Variants in CYTH1 observed in about 807,000 individuals in gnomAD.
The protein encoded by CYTH1 is cytohesin 1.
CYTH1 carries 18 observed loss-of-function variants against 61.8 expected under a neutral mutation model. That is an observed-to-expected ratio of 0.29 (90% CI 0.20 to 0.43). The LOEUF (loss-of-function observed/expected upper bound fraction) is 0.43. Among genes scored for constraint, CYTH1 ranks in the 20% least tolerant of loss-of-function variants. The pLI is 1.00. For missense variants in CYTH1, 336 were observed against 510.5 expected, an observed-to-expected ratio of 0.66 and a Z score of 3.29; for synonymous variants, 174 against 184.3, an observed-to-expected ratio of 0.94 and a Z score of 0.45.
At chr17:78,730,639 C>T (rs1323920180) in intron 1 of CYTH1, among the ~76,000 whole-genome samples, 3 of 151,732 alleles carry the variant, frequency 2.0e-5, no homozygotes, top group Non-Finnish European at 4.4e-5. Flanking sequence ...GAAGGAAGAA[C>T]ATGATACAAG....
intron 11 of CYTH1, among the ~76,000 whole-genome samples, chr17:78,683,241 C>T (rs1227932372): frequency 6.6e-6 from 1 of 152,084 alleles, no homozygotes; most frequent in East Asian, 1.9e-4. Context: ...TGGTGGTGGA[C>T]CCTTCTTCTT....
intron 11 of CYTH1, chr17:78,691,744 C>T (rs1209605124): frequency 6.6e-6 from 1 of 152,226 alleles, no homozygotes; most frequent in African/African-American, 2.4e-5. Flanking sequence ...GCTAACTTGC[C>T]AGGGTTCTGG....
intron 1 of CYTH1, among the ~76,000 whole-genome samples, chr17:78,729,689 C>T (rs551838475): frequency 6.6e-6 from 1 of 152,248 alleles, no homozygotes; most frequent in South Asian, 2.1e-4. Context: ...TTTTAAACTA[C>T]CTAAAAACTA....
In CYTH1 at chr17:78,702,138, C is replaced by G; in HGVS notation, c.340G>C (p.Asp114His). ...GEGLNKTAIG[D>H]YLGERDEFNI... ...AGGCCTTACCTCTCCCCTAGGTAGT[C>G]GCCGATGGCTGTCTTGTTGAGCCCT... Residue 114 changes from aspartate to histidine, a missense_variant, in exon 5 of 14, where the codon GAC becomes CAC. By Grantham distance (81) the Asp-to-His change is moderately conservative. Transcript: ENST00000446868. 1 of 1,613,966 alleles carries G rather than the reference C, an allele frequency of 6.2e-7. No homozygotes were observed. The highest frequency in any genetic ancestry group is 1.1e-5 in the South Asian group (1 of 91,066).
chr17:78,773,419 C>A (rs926909540), intron 1 of CYTH1, among the ~76,000 whole-genome samples: 1 of 152,142 alleles, frequency 6.6e-6, no homozygotes, highest in Non-Finnish European at 1.5e-5. Flanking sequence ...CACCTGAGGT[C>A]AGGAGTTTGA....
chr17:78,743,260 T>C (rs2093348280), intron 1 of CYTH1, among the ~76,000 whole-genome samples: 1 of 152,154 alleles, frequency 6.6e-6, no homozygotes. Context: ...GGTGGGATGG[T>C]AGAGAATTCT....
chr17:78,698,716 G>C (rs2092973550), intron 8 of CYTH1, 104 bp downstream of exon 8: 3 of 1,311,464 alleles, frequency 2.3e-6, no homozygotes, highest in Middle Eastern at 2.8e-4. Context: ...TAAAAGAGGA[G>C]ACCCTTGATA....
intron 9 of CYTH1, among the ~76,000 whole-genome samples, chr17:78,697,200 T>G (rs77128839): frequency 0.022 from 3,369 of 152,052 alleles, 119 homozygotes; most frequent in African/African-American, 0.077. Context: ...AAGAGAGTAC[T>G]GACTTCTAAT....
At chr17:78,687,943 T>C (rs2092833417) in intron 11 of CYTH1, among the ~76,000 whole-genome samples, 1 of 152,220 alleles carries the variant, frequency 6.6e-6, no homozygotes, top group African/African-American at 2.4e-5. Flanking sequence ...CGTCTCACTC[T>C]GTGTATCACA....
intron 11 of CYTH1, among the ~76,000 whole-genome samples, chr17:78,684,178 C>G (rs11656741): frequency 0.47 from 70,703 of 151,548 alleles, 17,106 homozygotes; most frequent in Non-Finnish European, 0.54. Context: ...CTTTCCTGCT[C>G]CATCCTGCAG....
chr17:78,704,729 C>G (rs751591368), intron 3 of CYTH1, among the ~76,000 whole-genome samples: 4 of 152,130 alleles, frequency 2.6e-5, no homozygotes, highest in Admixed American at 6.5e-5. Context: ...GCTATGTAAC[C>G]CAGGCTGGTC....
At chr17:78,776,925 AGACCAGCCT>A (rs1013405244) in intron 1 of CYTH1, among the ~76,000 whole-genome samples, 6 of 150,754 alleles carry the variant, frequency 4.0e-5, no homozygotes, top group Non-Finnish European at 8.9e-5. Context: ...CGGGAGTTCG[AGACCAGCCT>A]GACCAACATG....
chr17:78,730,917 G>A (rs2093290707), intron 1 of CYTH1, among the ~76,000 whole-genome samples: 1 of 152,056 alleles, frequency 6.6e-6, no homozygotes, highest in South Asian at 2.1e-4. Flanking sequence ...GCCTGCCTCG[G>A]CCTCCCAAAG....
At chr17:78,732,926 A>G (rs2093302283) in intron 1 of CYTH1, among the ~76,000 whole-genome samples, 1 of 152,076 alleles carries the variant, frequency 6.6e-6, no homozygotes, top group Non-Finnish European at 1.5e-5. Flanking sequence ...GTCTCTACTA[A>G]AAATACAAAA....
At chr17:78,759,098 G>A (rs1012944235) in intron 1 of CYTH1, among the ~76,000 whole-genome samples, 4 of 152,132 alleles carry the variant, frequency 2.6e-5, no homozygotes, top group Non-Finnish European at 4.4e-5. Flanking sequence ...GTGAGATCCT[G>A]TCTCAAAACA....
intron 1 of CYTH1, among the ~76,000 whole-genome samples, chr17:78,731,772 C>CA (rs1236573797): frequency 1.0e-3 from 133 of 128,374 alleles, no homozygotes; most frequent in East Asian, 2.6e-3. Context: ...AAAAAAAAAA[C>CA]AAAAAAAAAC....
chr17:78,780,942 C>T (rs1403328987), intron 1 of CYTH1, among the ~76,000 whole-genome samples: 2 of 151,698 alleles, frequency 1.3e-5, no homozygotes, highest in Non-Finnish European at 2.9e-5. Flanking sequence ...CCCAGGAGGC[C>T]GAGGTTGCAG....
intron 1 of CYTH1, among the ~76,000 whole-genome samples, chr17:78,718,218 TACACACAC>T (rs55803104): frequency 0.05 from 6,392 of 128,266 alleles, 163 homozygotes; most frequent in Non-Finnish European, 0.059. Flanking sequence ...AAACACTGAA[TACACACAC>T]ACACACACAC....
intron 3 of CYTH1, among the ~76,000 whole-genome samples, chr17:78,707,122 A>C (rs2093075385): frequency 6.6e-6 from 1 of 152,230 alleles, no homozygotes; most frequent in South Asian, 2.1e-4. Context: ...CAAAATACCA[A>C]ATGGACAATA....
Sources: gnomAD v4.1 joint callset for allele counts (sites outside exome capture counted in the v4.1 genomes callset) on GRCh38, gnomAD v4.1.1 for gene constraint, MANE v1.5 for transcripts, NCBI Gene and HGNC (gene_info 2026-07-23, HGNC 2026-07-21) for gene names.